Variants in LTBP1 observed in about 807,000 individuals in gnomAD.
LTBP1 encodes latent-transforming growth factor beta-binding protein 1.
Under a neutral mutation model 207.6 loss-of-function variants are expected in LTBP1, and 129 were observed. The observed-to-expected ratio is 0.62, with a 90% CI of 0.54 to 0.72. The LOEUF (loss-of-function observed/expected upper bound fraction) is 0.72. Among genes scored for constraint, LTBP1 ranks in the 30% least tolerant of loss-of-function variants. LTBP1 has a pLI of 0.00. For missense variants in LTBP1, 2,281 were observed against 2,217.2 expected (o/e 1.03, Z -0.58); for synonymous variants, 963 against 833.7 (o/e 1.16, Z -2.67).
intron 31 of LTBP1, among the ~76,000 whole-genome samples, chr2:33,371,602 C>T (rs59136259): frequency 1.3e-5 from 2 of 152,092 alleles, no homozygotes; most frequent in African/African-American, 4.8e-5. Flanking sequence ...CCTTTGGTTG[C>T]ATATGGAGTT....
At chr2:33,192,330 G>C (rs929949504) in intron 7 of LTBP1, among the ~76,000 whole-genome samples, 7 of 152,120 alleles carry the variant, frequency 4.6e-5, no homozygotes, top group Non-Finnish European at 1.0e-4. Context: ...CCTGCTGTGA[G>C]ACAGTATAGA....
chr2:33,375,694 ATTTTTTTGTAT>A (rs1161176100), intron 31 of LTBP1, among the ~76,000 whole-genome samples: 6 of 146,252 alleles, frequency 4.1e-5, no homozygotes, highest in South Asian at 4.3e-4. Context: ...TGCCCGGCTA[ATTTTTTTGTAT>A]TTTTTTTTTT....
intron 2 of LTBP1, among the ~76,000 whole-genome samples, chr2:32,985,712 G>A (rs537118275): frequency 2.6e-4 from 40 of 152,332 alleles, no homozygotes; most frequent in Admixed American, 2.2e-3. Context: ...TACCTACCAT[G>A]TAGTAGGTAC....
Position 33,013,620 on chromosome 2 carries a change from A to G in LTBP1, c.566-7289A>G, listed in dbSNP as rs1210648682. 3.9e-5 allele frequency among the ~76,000 whole-genome samples: 6 copies of G among 152,310 alleles called. No homozygotes were observed. In the East Asian group the frequency reaches 7.7e-4, roughly 20 times the overall value. On this transcript the variant is annotated intron_variant, in intron 2 of 33. Coordinates refer to ENST00000404816, the MANE Select transcript of LTBP1 (RefSeq NM_206943.4). Reference sequence around the variant, plus strand: ...AAAAGTTATACATGGCAGTGATAAGATCAGAAACAATCCAGGAAAACTGCT... The same window carrying G: ...AAAAGTTATACATGGCAGTGATAAGGTCAGAAACAATCCAGGAAAACTGCT...
chr2:33,219,781 C>G (rs1421402906), intron 8 of LTBP1, among the ~76,000 whole-genome samples: 1 of 152,074 alleles, frequency 6.6e-6, no homozygotes, highest in East Asian at 1.9e-4. Flanking sequence ...TTAGCTGCTT[C>G]TCTTCTCTTG....
chr2:33,053,797 A>C (rs1350601520), intron 3 of LTBP1, among the ~76,000 whole-genome samples: 1 of 152,152 alleles, frequency 6.6e-6, no homozygotes, highest in Non-Finnish European at 1.5e-5. Flanking sequence ...GACACCTTGT[A>C]CCCTTGATTA....
intron 7 of LTBP1, among the ~76,000 whole-genome samples, chr2:33,191,457 T>C (rs1235390249): frequency 6.6e-6 from 1 of 152,238 alleles, no homozygotes; most frequent in African/African-American, 2.4e-5. Flanking sequence ...GACCTGTTTT[T>C]TGGAAAGCAT....
At chr2:33,081,720 T>G (rs2078416054) in intron 3 of LTBP1, among the ~76,000 whole-genome samples, 2 of 152,158 alleles carry the variant, frequency 1.3e-5, no homozygotes, top group South Asian at 4.2e-4. Context: ...CACCTTGAAT[T>G]GCAGTCCCCA....
chr2:33,220,396 G>A (rs78334953), intron 8 of LTBP1, among the ~76,000 whole-genome samples: 3,966 of 152,114 alleles, frequency 0.026, 187 homozygotes, highest in African/African-American at 0.091. Context: ...TTTAACATTT[G>A]AAGTTTTTGT....
chr2:33,170,768 G>A (rs920068837), intron 5 of LTBP1, among the ~76,000 whole-genome samples: 10 of 152,136 alleles, frequency 6.6e-5, no homozygotes, highest in Middle Eastern at 3.4e-3. Flanking sequence ...CCCCAGTAGG[G>A]GCAGACTGAC....
chr2:33,340,368 G>GGGT (rs2094604294), intron 24 of LTBP1, among the ~76,000 whole-genome samples: 1 of 152,162 alleles, frequency 6.6e-6, no homozygotes, highest in Admixed American at 6.5e-5. Flanking sequence ...AGTGTGGGAA[G>GGGT]GGTGGAGGAG....
rs147701644 is a variant in LTBP1, at chr2:33,364,521, A to G, written c.4540+165A>G. Among the ~76,000 whole-genome samples, 9 of 152,388 alleles carry G rather than the reference A, an allele frequency of 5.9e-5. 2 individuals are homozygous for G. The highest frequency in any genetic ancestry group is 1.0e-4 in the Non-Finnish European group (7 of 68,042). ...ACTTACAGAAATAGTAATAAGATGC[A>G]TATCATCAGTATGTAGGAGATTTAA... On this transcript the variant is annotated intron_variant, in intron 30 of 33. Transcript: ENST00000404816.
intron 24 of LTBP1, among the ~76,000 whole-genome samples, chr2:33,321,373 A>G (rs548643192): frequency 2.6e-4 from 40 of 152,356 alleles, no homozygotes; most frequent in African/African-American, 9.6e-4. Flanking sequence ...GTTGACGTGT[A>G]CTGAAAGTAG....
At chr2:33,004,098 C>CT (rs1223849036) in intron 2 of LTBP1, among the ~76,000 whole-genome samples, 86 of 102,900 alleles carry the variant, frequency 8.4e-4, no homozygotes, top group African/African-American at 2.5e-3. Context: ...TAATAAATAT[C>CT]ATTTTTTTTT....
intron 2 of LTBP1, among the ~76,000 whole-genome samples, chr2:33,003,916 A>T (rs973614884): frequency 1.4e-4 from 22 of 152,206 alleles, no homozygotes; most frequent in Non-Finnish European, 2.2e-4. Context: ...TCTGCCCAGC[A>T]ACTGCCTGTC....
At chr2:33,271,777 G>GT (rs1004628566) in intron 15 of LTBP1, among the ~76,000 whole-genome samples, 30 of 152,026 alleles carry the variant, frequency 2.0e-4, no homozygotes, top group South Asian at 6.2e-4. Context: ...TTGTGCCTGT[G>GT]TTTTTTTAAC....
intron 2 of LTBP1, among the ~76,000 whole-genome samples, chr2:33,005,540 C>T (rs1358255177): frequency 1.3e-5 from 2 of 151,252 alleles, no homozygotes; most frequent in Non-Finnish European, 2.9e-5. Context: ...ATGTCACTTT[C>T]AGAACAGTGA....
intron 26 of LTBP1, among the ~76,000 whole-genome samples, chr2:33,351,744 C>T (rs2094784731): frequency 1.3e-5 from 2 of 152,190 alleles, no homozygotes; most frequent in South Asian, 2.1e-4. Flanking sequence ...TCTTTTCCCC[C>T]GTCTTTGCCC....
intron 7 of LTBP1, among the ~76,000 whole-genome samples, chr2:33,203,508 G>A (rs1257196004): frequency 1.3e-5 from 2 of 152,176 alleles, no homozygotes; most frequent in Non-Finnish European, 2.9e-5. Flanking sequence ...TCTTTACCCA[G>A]GTAGATGTCT....
Sources: allele counts gnomAD v4.1 joint callset (sites outside exome capture counted in the v4.1 genomes callset), GRCh38; gene constraint gnomAD v4.1.1; transcripts MANE v1.5; gene names NCBI Gene and HGNC (gene_info 2026-07-23, HGNC 2026-07-21).